WASHC5: variants seen among roughly 807,000 people sequenced by gnomAD.
WASHC5 encodes the protein WASH complex subunit strumpellin.
WASHC5 carries 101 observed loss-of-function variants against 150.4 expected under a neutral mutation model. The ratio of observed to expected loss-of-function variants is 0.67; its 90% CI spans 0.57 to 0.79. The LOEUF is 0.79. WASHC5 is among the 30% of genes least tolerant of loss of function. WASHC5 has a pLI of 0.00. For synonymous variants in WASHC5, 467 were observed against 491.2 expected (o/e 0.95, Z 0.65); for missense variants, 1,195 against 1,396.3 (o/e 0.86, Z 2.30).
At chr8:125,054,245 A>C (rs995821993) in intron 17 of WASHC5, among the ~76,000 whole-genome samples, 1 of 152,264 alleles carries the variant, frequency 6.6e-6, no homozygotes, top group African/African-American at 2.4e-5. Context: ...GTAACCTACT[A>C]TCTGACCTAT....
At chr8:125,075,676 T>C (rs927854846) in intron 7 of WASHC5, among the ~76,000 whole-genome samples, 4 of 152,304 alleles carry the variant, frequency 2.6e-5, no homozygotes, top group African/African-American at 9.6e-5. Flanking sequence ...TAGGCTGTTC[T>C]CATACTACCA....
Position 125,059,304 on chromosome 8 carries a change from A to G in WASHC5, c.1689-7T>C, listed in dbSNP as rs1274946779. 6.2e-7 allele frequency: 1 copy of G among 1,614,002 alleles called. No individual in the cohort carries two copies. The highest frequency in any genetic ancestry group is 1.1e-5 in the South Asian group (1 of 91,080). ...TTGCATGATGGATGTGAAACTGTAA[A>G]AAGAAAAGAAACGGTAAGAAGATGT... is the stretch of plus-strand genomic sequence containing the variant. On this transcript the variant is annotated splice_region_variant and splice_polypyrimidine_tract_variant and intron_variant, in intron 13 of 28. Coordinates refer to ENST00000318410, the MANE Select transcript of WASHC5 (RefSeq NM_014846.4).
chr8:125,086,230 T>C (rs1391069363), intron 1 of WASHC5, among the ~76,000 whole-genome samples: 1 of 152,214 alleles, frequency 6.6e-6, no homozygotes, highest in Non-Finnish European at 1.5e-5. Context: ...TTGGTAGGAC[T>C]GTTTTCTTCT....
intron 8 of WASHC5, among the ~76,000 whole-genome samples, chr8:125,073,679 A>G (rs1385903147): frequency 2.0e-5 from 3 of 152,364 alleles, no homozygotes; most frequent in African/African-American, 7.2e-5. Context: ...GATGAATAAC[A>G]TATGGACTAT....
Position 125,091,741 on chromosome 8 carries a change from G to C in WASHC5, c.-251C>G, listed in dbSNP as rs1817658897. 6.6e-6 allele frequency: 1 copy of C among 152,378 alleles called. No individual in the cohort carries two copies. The highest frequency in any genetic ancestry group is 1.5e-5 in the Non-Finnish European group (1 of 68,164). 9.4% of individuals were successfully genotyped at this position (152,378 alleles called of 1,614,324 possible). On this transcript the variant is annotated 5_prime_UTR_variant, in exon 1 of 29. Transcript: ENST00000318410. Reference sequence around the variant, plus strand: ...ATCCGCAGTCCCGGACCTGGAGCGGGTCAGACCCCGACTTCCGCCCCTGAC... The same window carrying C: ...ATCCGCAGTCCCGGACCTGGAGCGGCTCAGACCCCGACTTCCGCCCCTGAC...
At position 125,073,219 on chromosome 8, in the gene WASHC5, G is replaced by A; in HGVS notation, c.1084C>T (p.Leu362Phe). The A allele has an allele frequency of 6.2e-7, 1 of 1,614,138 alleles. No homozygotes were observed. The highest frequency in any genetic ancestry group is 2.2e-5 in the East Asian group (1 of 44,878). Reference protein sequence around the residue: ...EEMVLDNIPKLLNCLRDCNVA... With the variant: ...EEMVLDNIPKFLNCLRDCNVA... ...TTGCAGTCTCTCAGGCAGTTCAGAAGCTTTGGGATATTGTCCAGAACCATC... is the reference window on the plus strand; with the variant it reads ...TTGCAGTCTCTCAGGCAGTTCAGAAACTTTGGGATATTGTCCAGAACCATC... The change falls in exon 9 of 29, where the codon CTT becomes TTT. Residue 362 changes from leucine (L) to phenylalanine (F), a missense_variant. Physicochemically the swap from Leu to Phe is conservative, Grantham distance 22 (BLOSUM62 0). Around this residue, in one of 3 missense-constraint regions of WASHC5, gnomAD observed 997 missense variants for 1,168.1 expected, o/e 0.85. Transcript: ENST00000318410.
Position 125,056,691 on chromosome 8 carries a change from CT to C in WASHC5, c.2001del (p.Gly668AlafsTer21). ...DKDKLRDYAQ[L>X]GPRYEVAKLT... is the part of the protein sequence containing the mutation. Reference sequence around the variant, plus strand: ...GGACACAGCACCTCGTATCGTGGGCCTAGCTGAGCATAGTCCCTCAGCTTGT... The same window carrying C: ...GGACACAGCACCTCGTATCGTGGGCCAGCTGAGCATAGTCCCTCAGCTTGT... On this transcript the variant is annotated frameshift_variant, in exon 16 of 29. Coordinates refer to ENST00000318410, the MANE Select transcript of WASHC5 (RefSeq NM_014846.4). LOFTEE classifies it high-confidence loss of function. The C allele has an allele frequency of 6.2e-7, 1 of 1,614,088 alleles. No individual in the cohort carries two copies. Among genetic ancestry groups the C allele is most frequent in the Non-Finnish European group, 8.5e-7 (1 of 1,179,992 alleles).
chr8:125,050,607 G>C lies in WASHC5; in HGVS notation c.2156C>G (p.Ala719Gly). The change falls in exon 18 of 29, where the codon GCC becomes GGC. Residue 719 changes from alanine (A) to glycine (G), a missense_variant. Physicochemically the swap from Ala to Gly is moderately conservative, Grantham distance 60 (BLOSUM62 0). This residue lies in a region of WASHC5 where 997 missense variants were observed against 1,168.1 expected (regional missense o/e 0.85). Coordinates refer to ENST00000318410, the MANE Select transcript of WASHC5 (RefSeq NM_014846.4). ...TATCAGTCCCCTATGCAGGGCAAAG[G>C]CAACGCGCTTCACAAGCTCTTTCCT... ...GIRKELVKRV[A>G]FALHRGLIFN... 6.2e-7 allele frequency: 1 copy of C among 1,614,116 alleles called. No homozygotes were observed. The highest frequency in any genetic ancestry group is 1.7e-5 in the Admixed American group (1 of 60,028).
At chr8:125,046,714 G>C (rs577042628) in intron 20 of WASHC5, among the ~76,000 whole-genome samples, 3 of 152,032 alleles carry the variant, frequency 2.0e-5, no homozygotes, top group Non-Finnish European at 4.4e-5. Context: ...ATAGATAAGT[G>C]TTCAATAAAT....
At chr8:125,051,564 A>G (rs776869273) in intron 17 of WASHC5, among the ~76,000 whole-genome samples, 2 of 152,208 alleles carry the variant, frequency 1.3e-5, no homozygotes, top group Non-Finnish European at 2.9e-5. Context: ...GAAAGGCCCT[A>G]TGTTCTTCAA....
intron 1 of WASHC5, among the ~76,000 whole-genome samples, chr8:125,085,608 A>C (rs1245835446): frequency 2.0e-5 from 3 of 152,196 alleles, no homozygotes; most frequent in African/African-American, 7.2e-5. Context: ...TAAGTCTTTG[A>C]GCATGTCACT....
At chr8:125,091,223 T>TC (rs771420252) in intron 1 of WASHC5, among the ~76,000 whole-genome samples, 1 of 151,746 alleles carries the variant, frequency 6.6e-6, no homozygotes, top group Non-Finnish European at 1.5e-5. Flanking sequence ...TTGCCCAAAC[T>TC]CACAGCCCAT....
intron 25 of WASHC5, 33 bp downstream of exon 25, chr8:125,038,797 C>G: frequency 6.2e-7 from 1 of 1,612,206 alleles, no homozygotes; most frequent in Non-Finnish European, 8.5e-7. Flanking sequence ...TTCTGTACCC[C>G]CATCCCCGCC....
At chr8:125,070,495 G>A (rs922836810) in intron 9 of WASHC5, among the ~76,000 whole-genome samples, 5 of 152,214 alleles carry the variant, frequency 3.3e-5, no homozygotes, top group Admixed American at 6.5e-5. Flanking sequence ...AGACAGGGCC[G>A]TCAGGCAGAG....
At position 125,049,203 on chromosome 8, in the gene WASHC5, C is replaced by CA; in HGVS notation, c.2200-19dup. 6.2e-7 allele frequency: 1 copy of CA among 1,613,610 alleles called. No individual in the cohort carries two copies. The highest frequency in any genetic ancestry group is 1.3e-5 in the African/African-American group (1 of 75,008). ...TCACTTGGCTGTGGAAAAGGGGAAA[C>CA]ATAAAGCTCTTACACTGGAGTAGAT... On this transcript the variant is annotated intron_variant, in intron 18 of 28. Transcript: ENST00000318410.
At chr8:125,070,108 G>T (rs920780377) in intron 9 of WASHC5, among the ~76,000 whole-genome samples, 1 of 152,220 alleles carries the variant, frequency 6.6e-6, no homozygotes, top group African/African-American at 2.4e-5. Flanking sequence ...TCAAACTTCA[G>T]TAGCCAGCCA....
chr8:125,075,257 G>A, intron 7 of WASHC5, 146 bp from the exon 8 acceptor site: 1 of 674,726 alleles, frequency 1.5e-6, no homozygotes, highest in African/African-American at 1.8e-5. Flanking sequence ...ATATAGGTAA[G>A]TGTTCCTGAT....
chr8:125,032,761 C>G (rs1016655217), intron 26 of WASHC5: 2 of 273,242 alleles, frequency 7.3e-6, no homozygotes, highest in Non-Finnish European at 1.4e-5. Flanking sequence ...ATACTAGATA[C>G]CCTGAACTAC....
intron 17 of WASHC5, among the ~76,000 whole-genome samples, chr8:125,051,992 G>A (rs1227355659): frequency 6.6e-6 from 1 of 152,168 alleles, no homozygotes; most frequent in Non-Finnish European, 1.5e-5. Flanking sequence ...CTATACACAG[G>A]AGGCCTGAGA....
Sources: gnomAD v4.1 joint callset for allele counts (sites outside exome capture counted in the v4.1 genomes callset) on GRCh38, gnomAD v4.1.1 for gene constraint, gnomAD v4.1.1 regional missense constraint, MANE v1.5 for transcripts, NCBI Gene and HGNC (gene_info 2026-07-23, HGNC 2026-07-21) for gene names.